PHF20: variants seen among roughly 807,000 people sequenced by gnomAD.
PHF20 encodes the protein PHD finger protein 20.
A neutral mutation model predicts 113.5 loss-of-function variants in PHF20; 23 were observed. That is an observed-to-expected ratio of 0.20 (90% CI 0.15 to 0.29). The LOEUF (loss-of-function observed/expected upper bound fraction) is 0.29. PHF20 is among the 10% of genes least tolerant of loss of function. The probability of loss-of-function intolerance (pLI) is 1.00; values close to 1 mark genes in which losing one functional copy is unlikely to be tolerated. For synonymous variants in PHF20, 434 were observed against 457.3 expected, an observed-to-expected ratio of 0.95 and a Z score of 0.65; for missense variants, 943 against 1,219.6, an observed-to-expected ratio of 0.77 and a Z score of 3.38.
At chr20:35,858,470 G>A in intron 5 of PHF20, 89 bp downstream of exon 5, 1 of 684,528 alleles carries the variant, frequency 1.5e-6, no homozygotes, top group South Asian at 2.0e-5. Flanking sequence ...ATTTGTTTAT[G>A]ATAGCAAGTG....
chr20:35,883,594 G>T (rs79194469), intron 9 of PHF20, among the ~76,000 whole-genome samples: 1 of 151,994 alleles, frequency 6.6e-6, no homozygotes, highest in Non-Finnish European at 1.5e-5. Context: ...GGCACTCGCC[G>T]TCACTCCTGG....
intron 7 of PHF20, among the ~76,000 whole-genome samples, chr20:35,869,902 GTAA>G (rs2054387275): frequency 6.6e-6 from 1 of 152,174 alleles, no homozygotes; most frequent in African/African-American, 2.4e-5. Context: ...GCTCATGCCT[GTAA>G]TCCCAGCAGT....
intron 1 of PHF20, among the ~76,000 whole-genome samples, chr20:35,795,283 T>C (rs2041644837): frequency 6.6e-6 from 1 of 151,946 alleles, no homozygotes; most frequent in African/African-American, 2.4e-5. Context: ...ATGCCTGGGC[T>C]AGAGTGCAGT....
chr20:35,834,334 C>G (rs1244086160), intron 2 of PHF20, among the ~76,000 whole-genome samples: 1 of 148,578 alleles, frequency 6.7e-6, no homozygotes, highest in Non-Finnish European at 1.5e-5. Flanking sequence ...CTCACCACAA[C>G]CTCCACCTCC....
chr20:35,898,895 A>G (rs2055041546), intron 9 of PHF20, among the ~76,000 whole-genome samples: 2 of 151,604 alleles, frequency 1.3e-5, no homozygotes, highest in Non-Finnish European at 2.9e-5. Context: ...ACAGGTGTGA[A>G]CCACCATGCC....
chr20:35,925,850 C>T (rs895143939), intron 13 of PHF20, among the ~76,000 whole-genome samples: 2 of 151,794 alleles, frequency 1.3e-5, no homozygotes, highest in African/African-American at 2.4e-5. Flanking sequence ...TGGCCAGGCG[C>T]GGTGGCTCAT....
intron 2 of PHF20, among the ~76,000 whole-genome samples, chr20:35,823,499 C>T (rs2042208788): frequency 1.3e-5 from 2 of 149,268 alleles, no homozygotes; most frequent in Non-Finnish European, 3.0e-5. Context: ...TGGTGTGTGT[C>T]TATAGTTTTA....
chr20:35,913,288 A>G lies in PHF20; in HGVS notation c.1601A>G (p.Lys534Arg). The change falls in exon 11 of 18, where the codon AAG becomes AGG. Residue 534 changes from lysine to arginine, a missense_variant. By Grantham distance (26) the Lys-to-Arg change is conservative (BLOSUM62 2). Around this residue, in one of 3 missense-constraint regions of PHF20, gnomAD observed 592 missense variants for 787.2 expected, o/e 0.75. Coordinates refer to ENST00000374012, the MANE Select transcript of PHF20 (RefSeq NM_016436.5). ...DKEKNKEKKFKEFVRVKPKKK... is the reference protein window; with the variant it reads ...DKEKNKEKKFREFVRVKPKKK... Reference sequence around the variant, plus strand: ...GAAAAGAATAAAGAGAAGAAATTCAAGGAGTTTGTGAGAGTGAAGCCAAAG... The same window carrying G: ...GAAAAGAATAAAGAGAAGAAATTCAGGGAGTTTGTGAGAGTGAAGCCAAAG... 1 of 1,603,642 alleles carries G rather than the reference A, an allele frequency of 6.2e-7. No individual in the cohort carries two copies. Among genetic ancestry groups the G allele is most frequent in the Non-Finnish European group, 8.5e-7 (1 of 1,174,576 alleles).
rs2042878775 is a variant in PHF20 at position 35,858,502 on chromosome 20, A to C, written c.420+121A>C. The C allele has an allele frequency of 7.1e-6, 4 of 564,740 alleles. No individual in the cohort carries two copies. In the East Asian group the frequency reaches 1.2e-4, roughly 17 times the overall value. 35.0% of individuals were successfully genotyped at this position (564,740 alleles called of 1,614,324 possible). On this transcript the variant is annotated intron_variant, in intron 5 of 17. Transcript: ENST00000374012. Reference sequence around the variant, plus strand: ...AGTGTTTATTTCCTCCATCTGACACAATTTCACCAGAAAATAATACACAAG... The same window carrying C: ...AGTGTTTATTTCCTCCATCTGACACCATTTCACCAGAAAATAATACACAAG...
chr20:35,820,360 G>A (rs1390370486), intron 2 of PHF20, among the ~76,000 whole-genome samples: 1 of 152,070 alleles, frequency 6.6e-6, no homozygotes, highest in Non-Finnish European at 1.5e-5. Flanking sequence ...TGACATTCCA[G>A]TGGAGGTGGA....
intron 1 of PHF20, among the ~76,000 whole-genome samples, chr20:35,787,471 G>A (rs753184526): frequency 5.9e-5 from 9 of 151,502 alleles, no homozygotes; most frequent in Admixed American, 2.0e-4. Flanking sequence ...GAGCCACCGC[G>A]CCCAGCCTAT....
chr20:35,894,802 C>T (rs2054946887), intron 9 of PHF20, among the ~76,000 whole-genome samples: 1 of 152,236 alleles, frequency 6.6e-6, no homozygotes, highest in East Asian at 1.9e-4. Flanking sequence ...CACACTTAGC[C>T]CCTGTACTGT....
Position 35,914,168 on chromosome 20 carries a change from G to T in PHF20, c.1796G>T (p.Gly599Val). Residue 599 changes from glycine to valine, a missense_variant, in exon 12 of 18, where the codon GGA (glycine) becomes GTA (valine). Coordinates refer to ENST00000374012, the MANE Select transcript of PHF20 (RefSeq NM_016436.5). The stretch of plus-strand genomic sequence containing the variant: ...CCGCAGCTTCATGGCCCAGAATCTG[G>T]ACACCACAAAGGGAAAGTGAAAGCA... ...MSPQLHGPES[G>V]HHKGKVKALE... 6.2e-7 allele frequency: 1 copy of T among 1,614,092 alleles called. No homozygotes were observed. The highest frequency in any genetic ancestry group is 8.5e-7 in the Non-Finnish European group (1 of 1,180,038).
At position 35,870,303 on chromosome 20, in the gene PHF20, CAAAAA is replaced by C. The variant is rs1174014648; in HGVS notation, c.923-628_923-624del. ...TGGGCGAGAGAGCGAGACTCCGTCT[CAAAAA>C]AAAAAAAAAAAAAAAAAAAAAAATT... On this transcript the variant is annotated intron_variant, in intron 7 of 17. Coordinates refer to ENST00000374012, the MANE Select transcript of PHF20 (RefSeq NM_016436.5). 8.5e-3 allele frequency among the ~76,000 whole-genome samples: 450 copies of C among 53,182 alleles called. 3 individuals carry two copies. Among genetic ancestry groups the C allele is most frequent in the African/African-American group, 0.026 (429 of 16,592 alleles). 34.9% of individuals were successfully genotyped at this position (53,182 alleles called of 152,430 possible). A position where few individuals can be genotyped will look rare whatever the true frequency, so the allele number is the denominator to read the frequency against.
chr20:35,810,040 C>G (rs1005479826), intron 2 of PHF20, among the ~76,000 whole-genome samples: 1 of 152,114 alleles, frequency 6.6e-6, no homozygotes, highest in Non-Finnish European at 1.5e-5. Context: ...AGCGATTCTT[C>G]TGCTTCAGCC....
At chr20:35,911,252 C>T (rs2055297196) in intron 10 of PHF20, among the ~76,000 whole-genome samples, 2 of 151,862 alleles carry the variant, frequency 1.3e-5, no homozygotes, top group South Asian at 4.2e-4. Context: ...CCATGTTAGC[C>T]AGGATGGTCT....
chr20:35,894,965 C>G (rs561095895), intron 9 of PHF20, among the ~76,000 whole-genome samples: 1 of 152,168 alleles, frequency 6.6e-6, no homozygotes, highest in Non-Finnish European at 1.5e-5. Flanking sequence ...AGTGATTCTC[C>G]TGCCTCGGCC....
At chr20:35,795,662 G>A (rs905553014) in intron 1 of PHF20, among the ~76,000 whole-genome samples, 1 of 152,074 alleles carries the variant, frequency 6.6e-6, no homozygotes, top group Non-Finnish European at 1.5e-5. Context: ...GCTCAACAAT[G>A]TAGCTTGTAA....
Position 35,942,911 on chromosome 20 carries a change from C to A in PHF20, c.2896+1864C>A, listed in dbSNP as rs574938153. On this transcript the variant is annotated intron_variant, in intron 17 of 17. Coordinates refer to ENST00000374012, the MANE Select transcript of PHF20 (RefSeq NM_016436.5). ...CCATCTCAGCTCACTGCAAGCTCCG[C>A]CTCCCGGGTTCACGCCATTCTCCTG... is the stretch of plus-strand genomic sequence containing the variant. Among the ~76,000 whole-genome samples the A allele has an allele frequency of 3.0e-4, 46 of 152,100 alleles. No individual in the cohort carries two copies. The South Asian group carries it at 9.3e-3, about 31-fold the overall frequency.
Sources: gnomAD v4.1 joint callset for allele counts (sites outside exome capture counted in the v4.1 genomes callset) on GRCh38, gnomAD v4.1.1 for gene constraint, gnomAD v4.1.1 regional missense constraint, MANE v1.5 for transcripts, NCBI Gene and HGNC (gene_info 2026-07-23, HGNC 2026-07-21) for gene names.